ARID4A: variants seen among roughly 807,000 people sequenced by gnomAD.
ARID4A encodes AT-rich interactive domain-containing protein 4A.
In ARID4A, 39 loss-of-function variants were observed where a neutral mutation model predicts 148.6. The observed-to-expected ratio is 0.26, with a 90% CI of 0.20 to 0.34. ARID4A has a LOEUF of 0.34. Ranked by LOEUF, ARID4A falls within the 10% of genes least tolerant of loss-of-function variation. ARID4A has a pLI of 1.00. For missense variants in ARID4A, 1,265 were observed against 1,449.1 expected (o/e 0.87, Z 2.06); for synonymous variants, 475 against 481.2 (o/e 0.99, Z 0.17).
At chr14:58,318,087 T>A (rs2032592130) in intron 5 of ARID4A, among the ~76,000 whole-genome samples, 1 of 152,200 alleles carries the variant, frequency 6.6e-6, no homozygotes. Flanking sequence ...TAGGTTATCA[T>A]GCAAATAAAT....
intron 16 of ARID4A, among the ~76,000 whole-genome samples, chr14:58,352,866 C>G (rs2034701335): frequency 6.6e-6 from 1 of 152,084 alleles, no homozygotes; most frequent in African/African-American, 2.4e-5. Context: ...ATTTTTAGCT[C>G]TCCCTGTGTT....
chr14:58,369,894 C>CA (rs200207406), intron 23 of ARID4A: 2,663 of 152,288 alleles, frequency 0.017, 39 homozygotes, highest in Non-Finnish European at 0.025. Flanking sequence ...TAGGATGGAA[C>CA]AGGAGGGGAA....
chr14:58,317,141 T>G (rs1293985026), intron 5 of ARID4A, among the ~76,000 whole-genome samples: 1 of 137,758 alleles, frequency 7.3e-6, no homozygotes. Flanking sequence ...TGCAGTGAGC[T>G]GAGATCGCGC....
In ARID4A at chr14:58,341,447, C is replaced by G. The variant is rs566310889; in HGVS notation, c.907-3248C>G. 3.3e-5 allele frequency among the ~76,000 whole-genome samples: 5 copies of G among 152,324 alleles called. No homozygotes were observed. In the East Asian group the frequency reaches 9.6e-4, roughly 29 times the overall value. Reference sequence around the variant, plus strand: ...TGAAGCTGCCTAATACTACCACTGCCAGTTCATCTCGAGGAAAACCATTCA... The same window carrying G: ...TGAAGCTGCCTAATACTACCACTGCGAGTTCATCTCGAGGAAAACCATTCA... On this transcript the variant is annotated intron_variant, in intron 11 of 23. Transcript: ENST00000355431.
chr14:58,300,636 T>C (rs2031074046), intron 2 of ARID4A, among the ~76,000 whole-genome samples: 1 of 152,238 alleles, frequency 6.6e-6, no homozygotes, highest in Non-Finnish European at 1.5e-5. Context: ...CGTGGTTTTC[T>C]ATTTTCTCGA....
At chr14:58,312,405 G>A (rs1047845814) in intron 5 of ARID4A, among the ~76,000 whole-genome samples, 4 of 151,744 alleles carry the variant, frequency 2.6e-5, no homozygotes, top group Admixed American at 6.6e-5. Context: ...TAGTAGAGAC[G>A]GGGTTTCGCC....
intron 7 of ARID4A, among the ~76,000 whole-genome samples, chr14:58,322,911 T>C (rs2032982807): frequency 7.6e-6 from 1 of 131,828 alleles, no homozygotes. Context: ...TGCAGTTAGC[T>C]GAGATAGCAC....
chr14:58,365,963 T>G, intron 21 of ARID4A, 61 bp from the exon 22 acceptor site: 1 of 1,354,190 alleles, frequency 7.4e-7, no homozygotes, highest in Non-Finnish European at 1.0e-6. Context: ...TTAGGTCTGT[T>G]GCATTTTGAT....
intron 11 of ARID4A, 142 bp from the exon 12 acceptor site, chr14:58,344,553 G>A (rs1662189857): frequency 1.7e-6 from 1 of 595,360 alleles, no homozygotes; most frequent in African/African-American, 1.9e-5. Flanking sequence ...CTTAAAATCT[G>A]TCATTGTAGG....
intron 21 of ARID4A, 140 bp from the exon 22 acceptor site, chr14:58,365,884 G>A: frequency 1.2e-6 from 1 of 828,672 alleles, no homozygotes; most frequent in Non-Finnish European, 1.8e-6. Flanking sequence ...TTTTTTTGTT[G>A]TTTTTATATT....
At position 58,365,232 on chromosome 14, in the gene ARID4A, G is replaced by C; in HGVS notation, c.3143G>C (p.Gly1048Ala). 1 of 1,614,018 alleles carries C rather than the reference G, an allele frequency of 6.2e-7. No individual in the cohort carries two copies. Among genetic ancestry groups the C allele is most frequent in the Non-Finnish European group, 8.5e-7 (1 of 1,179,978 alleles). The change falls in exon 20 of 24, where the codon GGA (glycine) becomes GCA (alanine). Residue 1048 changes from glycine (G) to alanine (A), a missense_variant. Gly to Ala is a moderately conservative substitution (Grantham distance 60, BLOSUM62 0). This residue lies in a region of ARID4A where 666 missense variants were observed against 730.9 expected (regional missense o/e 0.91). Coordinates refer to ENST00000355431, the MANE Select transcript of ARID4A (RefSeq NM_002892.4). ...EGLCERESAN[G>A]FETNVASGTC... ...CTCTGTGAGAGGGAATCGGCAAATGGATTTGAAACTAATGTTGCCTCTGGT... is the reference window on the plus strand; with the variant it reads ...CTCTGTGAGAGGGAATCGGCAAATGCATTTGAAACTAATGTTGCCTCTGGT...
chr14:58,350,982 T>G (rs2034612338), intron 15 of ARID4A, 91 bp from the exon 16 acceptor site: 13 of 1,344,782 alleles, frequency 9.7e-6, no homozygotes, highest in Non-Finnish European at 1.2e-5. Flanking sequence ...GCCAGAGACA[T>G]TGCTATGAAG....
chr14:58,319,054 GTTTTGTTTTTGA>G (rs1386681366), intron 7 of ARID4A, among the ~76,000 whole-genome samples: 1 of 151,932 alleles, frequency 6.6e-6, no homozygotes, highest in Admixed American at 6.6e-5. Flanking sequence ...TTTTTGTTTT[GTTTTGTTTTTGA>G]TTTTGTTTTT....
chr14:58,333,882 TTTAAGTATATCTAATAAC>T (rs1323612686), intron 11 of ARID4A, among the ~76,000 whole-genome samples: 4 of 152,182 alleles, frequency 2.6e-5, no homozygotes, highest in Non-Finnish European at 5.9e-5. Flanking sequence ...ATGTTAATAT[TTTAAGTATATCTAATAAC>T]TTAAGTTGCC....
chr14:58,347,923 A>T, intron 15 of ARID4A, 45 bp downstream of exon 15: 1 of 1,375,522 alleles, frequency 7.3e-7, no homozygotes, highest in Non-Finnish European at 9.9e-7. Flanking sequence ...TATTATTTAA[A>T]ATTTTTTATT....
intron 11 of ARID4A, among the ~76,000 whole-genome samples, chr14:58,342,369 C>T (rs1343133563): frequency 3.3e-5 from 5 of 151,920 alleles, no homozygotes; most frequent in African/African-American, 2.4e-5. Flanking sequence ...CATAGTTTCT[C>T]GTGAAACCTA....
chr14:58,299,488 G>C (rs936825179), intron 1 of ARID4A: 2 of 214,636 alleles, frequency 9.3e-6, no homozygotes, highest in Non-Finnish European at 1.9e-5. Flanking sequence ...AGCCCGAAGG[G>C]AGCTCTGGCC....
At chr14:58,350,743 AAT>A (rs1377937565) in intron 15 of ARID4A, among the ~76,000 whole-genome samples, 1 of 152,206 alleles carries the variant, frequency 6.6e-6, no homozygotes, top group Non-Finnish European at 1.5e-5. Context: ...ATAGTCGAGA[AAT>A]AATAAAAGTG....
chr14:58,321,957 T>C (rs867192886), intron 7 of ARID4A, among the ~76,000 whole-genome samples: 5,850 of 25,824 alleles, frequency 0.23, 360 homozygotes, highest in African/African-American at 0.38. Flanking sequence ...GTTGTTGTTG[T>C]TTTTTTTGGT....
Sources: allele counts gnomAD v4.1 joint callset (sites outside exome capture counted in the v4.1 genomes callset), GRCh38; gene constraint gnomAD v4.1.1; regional missense constraint gnomAD v4.1.1; transcripts MANE v1.5; gene names NCBI Gene and HGNC (gene_info 2026-07-23, HGNC 2026-07-21).